Variants in HECA observed in about 807,000 individuals in gnomAD.
HECA encodes the protein headcase protein homolog.
A neutral mutation model predicts 37.6 loss-of-function variants in HECA; 13 were observed. That is an observed-to-expected ratio of 0.35 (90% CI 0.23 to 0.55). The LOEUF is 0.55. Ranked by LOEUF, HECA falls within the 20% of genes least tolerant of loss-of-function variation. HECA has a pLI of 0.90. For missense variants in HECA, 527 were observed against 701.9 expected (o/e 0.75, Z 2.82); for synonymous variants, 307 against 291.5 (o/e 1.05, Z -0.54).
At position 139,174,488 on chromosome 6, in the gene HECA, G is replaced by C; in HGVS notation, c.1416G>C (p.Gln472His). 1 of 1,613,628 alleles carries C rather than the reference G, an allele frequency of 6.2e-7. No homozygotes were observed. The highest frequency in any genetic ancestry group is 8.5e-7 in the Non-Finnish European group (1 of 1,179,856). The change falls in exon 3 of 4, where the codon CAG (glutamine) becomes CAC (histidine). Residue 472 changes from glutamine (Q) to histidine (H), a missense_variant. Coordinates refer to ENST00000367658, the MANE Select transcript of HECA (RefSeq NM_016217.3). ...CKSRWDGSWH[Q>H]LGTMYTYDIL... ...CACGGTGGGATGGCAGCTGGCACCA[G>C]CTGGGCACTATGTACACCTACGACA...
At chr6:139,150,424 G>A (rs959199732) in intron 1 of HECA, among the ~76,000 whole-genome samples, 1 of 150,898 alleles carries the variant, frequency 6.6e-6, no homozygotes, top group African/African-American at 2.4e-5. Flanking sequence ...ATATTTTAAT[G>A]TTCTGTGATA....
In HECA at chr6:139,166,301, C is replaced by T; in HGVS notation, c.289C>T (p.Pro97Ser). ...TCCCCCAGAAGCCCCATGTGCCACT[C>T]CCCTGATCTGCAGCTTCGGTAGGCC... ...DAKNEAPCAT[P>S]LICSFGRPVD... Residue 97 changes from proline (P) to serine (S), a missense_variant, in exon 2 of 4, where the codon CCC becomes TCC. Physicochemically the swap from Pro to Ser is moderately conservative, Grantham distance 74. Coordinates refer to ENST00000367658, the MANE Select transcript of HECA (RefSeq NM_016217.3). 6.2e-7 allele frequency: 1 copy of T among 1,608,044 alleles called. No individual in the cohort carries two copies. Among genetic ancestry groups the T allele is most frequent in the Non-Finnish European group, 8.5e-7 (1 of 1,175,954 alleles).
intron 1 of HECA, among the ~76,000 whole-genome samples, chr6:139,164,080 ACT>A (rs71549028): frequency 0.024 from 3,605 of 148,022 alleles, 136 homozygotes; most frequent in African/African-American, 0.083. Flanking sequence ...ACACACACAC[ACT>A]CTCTCTCTCT....
intron 1 of HECA, among the ~76,000 whole-genome samples, chr6:139,148,875 C>T (rs912992640): frequency 2.0e-5 from 3 of 152,106 alleles, no homozygotes; most frequent in Admixed American, 1.3e-4. Context: ...GCTCAATACC[C>T]GTCTCTTCTT....
At chr6:139,139,646 G>A (rs1774490994) in intron 1 of HECA, among the ~76,000 whole-genome samples, 1 of 152,198 alleles carries the variant, frequency 6.6e-6, no homozygotes, top group East Asian at 1.9e-4. Context: ...CTCTGGAGGT[G>A]GGATGGCCTT....
At chr6:139,174,700 C>A in intron 3 of HECA, 161 bp downstream of exon 3, 3 of 1,020,052 alleles carry the variant, frequency 2.9e-6, no homozygotes, top group South Asian at 1.9e-5. Flanking sequence ...ACTATTCAGT[C>A]ATTAAAAGGA....
intron 1 of HECA, among the ~76,000 whole-genome samples, chr6:139,139,526 C>T (rs1222006416): frequency 6.6e-6 from 1 of 152,198 alleles, no homozygotes; most frequent in Non-Finnish European, 1.5e-5. Flanking sequence ...GGAGAGTGCT[C>T]TTGGCATCAT....
intron 1 of HECA, among the ~76,000 whole-genome samples, chr6:139,158,171 A>G (rs1428616513): frequency 6.6e-6 from 1 of 151,970 alleles, no homozygotes; most frequent in East Asian, 1.9e-4. Context: ...AGCCTGGGTA[A>G]CAGAGTGAGA....
chr6:139,142,654 G>T (rs1176252677), intron 1 of HECA, among the ~76,000 whole-genome samples: 3 of 152,158 alleles, frequency 2.0e-5, no homozygotes, highest in African/African-American at 7.2e-5. Flanking sequence ...ATTTTAAAAA[G>T]TAGTAATGGT....
intron 1 of HECA, among the ~76,000 whole-genome samples, chr6:139,146,472 CA>C (rs1337679770): frequency 1.3e-5 from 2 of 152,216 alleles, no homozygotes; most frequent in African/African-American, 4.8e-5. Flanking sequence ...TAGTATAACA[CA>C]ACTTCTTATT....
intron 3 of HECA, among the ~76,000 whole-genome samples, chr6:139,175,024 A>G (rs1178892903): frequency 6.6e-6 from 1 of 152,220 alleles, no homozygotes. Context: ...TCTGTGGGAT[A>G]GTACAGTTAT....
intron 1 of HECA, among the ~76,000 whole-genome samples, chr6:139,163,563 A>G (rs1774838105): frequency 6.6e-6 from 1 of 152,084 alleles, no homozygotes; most frequent in African/African-American, 2.4e-5. Context: ...CATGTTGGCC[A>G]GGCTAGTATC....
intron 2 of HECA, among the ~76,000 whole-genome samples, chr6:139,170,817 G>A (rs561226356): frequency 3.3e-5 from 5 of 152,258 alleles, no homozygotes; most frequent in African/African-American, 1.2e-4. Context: ...GGAAAGGTGC[G>A]GGAAAGGGGT....
At chr6:139,167,838 G>C (rs1407491990) in intron 2 of HECA, among the ~76,000 whole-genome samples, 1 of 152,146 alleles carries the variant, frequency 6.6e-6, no homozygotes, top group Non-Finnish European at 1.5e-5. Context: ...TTAGCCCGGT[G>C]GTGGTGGTGG....
chr6:139,174,548 T>G lies in HECA; in HGVS notation c.1467+9T>G. On this transcript the variant is annotated intron_variant, in intron 3 of 3. Transcript: ENST00000367658. Reference sequence around the variant, plus strand: ...CCTCTCCATGTTGTCAGGTAGGTACTGAACACACTGAGGGAGCAGTGGGTG... The same window carrying G: ...CCTCTCCATGTTGTCAGGTAGGTACGGAACACACTGAGGGAGCAGTGGGTG... 1 of 1,613,230 alleles carries G rather than the reference T, an allele frequency of 6.2e-7. No individual in the cohort carries two copies. The highest frequency in any genetic ancestry group is 8.5e-7 in the Non-Finnish European group (1 of 1,179,476).
In HECA at chr6:139,166,587, A is replaced by G. The variant is rs1774888773; in HGVS notation, c.575A>G (p.Tyr192Cys). The change falls in exon 2 of 4, where the codon TAT becomes TGT. Residue 192 changes from tyrosine to cysteine, a missense_variant. By Grantham distance (194) the Tyr-to-Cys change is radical. This residue lies in a region of HECA where 228 missense variants were observed against 259.8 expected (regional missense o/e 0.88). Transcript: ENST00000367658. ...CACTTGAAGAAGGACACAGACTGGTATCAGGTGAAGCGGATGCAGGACGAG... is the reference window on the plus strand; with the variant it reads ...CACTTGAAGAAGGACACAGACTGGTGTCAGGTGAAGCGGATGCAGGACGAG... ...QGHLKKDTDW[Y>C]QVKRMQDEKK... The G allele has an allele frequency of 1.2e-6, 2 of 1,614,230 alleles. No homozygotes were observed. Among genetic ancestry groups the G allele is most frequent in the Admixed American group, 3.3e-5 (2 of 60,036 alleles).
intron 1 of HECA, among the ~76,000 whole-genome samples, chr6:139,159,649 C>T (rs1046387521): frequency 1.3e-5 from 2 of 152,182 alleles, no homozygotes; most frequent in African/African-American, 4.8e-5. Flanking sequence ...TTCACCCTCT[C>T]TCTATTACTG....
chr6:139,149,631 G>A (rs1436551293), intron 1 of HECA, among the ~76,000 whole-genome samples: 1 of 152,104 alleles, frequency 6.6e-6, no homozygotes, highest in Non-Finnish European at 1.5e-5. Flanking sequence ...GCTTTGGGGG[G>A]AGCCTTTCGT....
chr6:139,163,415 C>T (rs560377388), intron 1 of HECA, among the ~76,000 whole-genome samples: 3 of 149,976 alleles, frequency 2.0e-5, no homozygotes, highest in African/African-American at 4.9e-5. Context: ...TGTGCAGTGG[C>T]ACAATCTCTA....
Sources: gnomAD v4.1 joint callset for allele counts (sites outside exome capture counted in the v4.1 genomes callset) on GRCh38, gnomAD v4.1.1 for gene constraint, gnomAD v4.1.1 regional missense constraint, MANE v1.5 for transcripts, NCBI Gene and HGNC (gene_info 2026-07-23, HGNC 2026-07-21) for gene names.